Variants in SUPT20H observed in about 807,000 individuals in gnomAD.
The protein encoded by SUPT20H is transcription factor SPT20 homolog.
In SUPT20H, 82 loss-of-function variants were observed where a neutral mutation model predicts 122.8. The ratio of observed to expected loss-of-function variants is 0.67; its 90% CI spans 0.56 to 0.80. The LOEUF (loss-of-function observed/expected upper bound fraction) is 0.80. SUPT20H is among the 30% of genes least tolerant of loss of function. SUPT20H has a pLI of 0.00. For missense variants in SUPT20H, 831 were observed against 921.6 expected, an observed-to-expected ratio of 0.90 and a Z score of 1.27; for synonymous variants, 291 against 313.0, an observed-to-expected ratio of 0.93 and a Z score of 0.74.
intron 25 of SUPT20H, among the ~76,000 whole-genome samples, chr13:37,010,313 T>C (rs2138918186): frequency 6.6e-6 from 1 of 152,340 alleles, no homozygotes; most frequent in South Asian, 2.1e-4. Flanking sequence ...GAAAAATGTA[T>C]GTTAATGTGC....
chr13:37,037,141 G>A (rs2064599063), intron 9 of SUPT20H, among the ~76,000 whole-genome samples: 1 of 150,010 alleles, frequency 6.7e-6, no homozygotes, highest in South Asian at 2.1e-4. Context: ...AGATTGCAGT[G>A]AGCTGAGATT....
At chr13:37,044,331 A>G (rs1026182602) in intron 6 of SUPT20H, 150 bp from the exon 7 acceptor site, 11 of 524,268 alleles carry the variant, frequency 2.1e-5, no homozygotes, top group South Asian at 1.0e-4. Flanking sequence ...AAAAAACAAA[A>G]CCAAAAGGCC....
At chr13:37,048,179 A>C (rs1464977988) in intron 3 of SUPT20H, among the ~76,000 whole-genome samples, 1 of 152,142 alleles carries the variant, frequency 6.6e-6, no homozygotes, top group Non-Finnish European at 1.5e-5. Flanking sequence ...CACAACCATG[A>C]CTTCACAGGT....
intron 1 of SUPT20H, among the ~76,000 whole-genome samples, chr13:37,054,685 C>G (rs1199971): frequency 0.043 from 6,505 of 152,276 alleles, 457 homozygotes; most frequent in African/African-American, 0.15. Context: ...AAACTGGAAG[C>G]ATTCCCTTTG....
At chr13:37,009,913 C>G (rs2059293742) in intron 25 of SUPT20H, 104 bp from the exon 26 acceptor site, 1 of 1,475,364 alleles carries the variant, frequency 6.8e-7, no homozygotes. Flanking sequence ...AGGGAGAAAG[C>G]ACCAAGATAA....
Position 37,021,448 on chromosome 13 carries a change from C to A in SUPT20H, c.1816G>T (p.Gly606Cys). The change falls in exon 21 of 26, where the codon GGT (glycine) becomes TGT (cysteine). Residue 606 changes from glycine (G) to cysteine (C), a missense_variant and splice_region_variant. Gly to Cys is a radical substitution (Grantham distance 159, BLOSUM62 -3). Transcript: ENST00000350612. The part of the protein sequence containing the change: ...PSAMQAASQA[G>C]VPFGLKNTSS... ...AGGTTATTATTTCCAACATTCTGAC[C>A]TGCTTGAGAAGCTGCCTGCATTGCA... 1 of 1,599,396 alleles carries A rather than the reference C, an allele frequency of 6.3e-7. No individual in the cohort carries two copies. Among genetic ancestry groups the A allele is most frequent in the Admixed American group, 1.7e-5 (1 of 57,402 alleles).
intron 25 of SUPT20H, 107 bp downstream of exon 25, chr13:37,010,445 T>C (rs571516656): frequency 1.3e-5 from 13 of 970,334 alleles, no homozygotes; most frequent in Non-Finnish European, 1.7e-5. Flanking sequence ...TACCAATTAC[T>C]GTACAGTCTT....
At chr13:37,016,302 T>C (rs907290584) in intron 23 of SUPT20H, among the ~76,000 whole-genome samples, 1 of 151,942 alleles carries the variant, frequency 6.6e-6, no homozygotes, top group Non-Finnish European at 1.5e-5. Flanking sequence ...TGGTGGCACA[T>C]GTCTGTAGCG....
chr13:37,050,659 T>C (rs1045572910), intron 2 of SUPT20H, among the ~76,000 whole-genome samples: 1 of 152,208 alleles, frequency 6.6e-6, no homozygotes, highest in African/African-American at 2.4e-5. Flanking sequence ...TAGTGAGACA[T>C]GCATACATAC....
At chr13:37,040,821 T>C in intron 7 of SUPT20H, 129 bp from the exon 8 acceptor site, 1 of 648,340 alleles carries the variant, frequency 1.5e-6, no homozygotes, top group Non-Finnish European at 2.7e-6. Context: ...TACTCTTCAG[T>C]AGATTTCCTT....
intron 13 of SUPT20H, among the ~76,000 whole-genome samples, chr13:37,029,271 G>A (rs908105769): frequency 6.6e-6 from 1 of 152,190 alleles, no homozygotes; most frequent in Non-Finnish European, 1.5e-5. Flanking sequence ...GCTCATGCCT[G>A]TAATCCCAGT....
intron 1 of SUPT20H, among the ~76,000 whole-genome samples, chr13:37,055,252 A>G (rs1200136532): frequency 6.6e-6 from 1 of 152,114 alleles, no homozygotes; most frequent in Admixed American, 6.6e-5. Flanking sequence ...TTCTTCACAG[A>G]ATTGGAAAAA....
intron 1 of SUPT20H, among the ~76,000 whole-genome samples, chr13:37,058,227 T>A (rs2069666416): frequency 6.6e-6 from 1 of 152,122 alleles, no homozygotes; most frequent in South Asian, 2.1e-4. Flanking sequence ...ATCGCCCCAT[T>A]GCACTCCAGC....
intron 7 of SUPT20H, 44 bp from the exon 8 acceptor site, chr13:37,040,736 G>T: frequency 6.8e-7 from 1 of 1,475,826 alleles, no homozygotes; most frequent in Non-Finnish European, 9.5e-7. Flanking sequence ...TTTTCCAAAA[G>T]CCTAAATAAG....
intron 5 of SUPT20H, chr13:37,047,098 T>G (rs1032645069): frequency 6.6e-6 from 1 of 152,598 alleles, no homozygotes; most frequent in African/African-American, 2.4e-5. Flanking sequence ...ATGACCAAGC[T>G]CACTTTTTAT....
intron 1 of SUPT20H, among the ~76,000 whole-genome samples, chr13:37,052,840 AC>A (rs2068045621): frequency 6.7e-6 from 1 of 149,062 alleles, no homozygotes; most frequent in African/African-American, 2.6e-5. Flanking sequence ...GAAGAAAAAA[AC>A]AACCCCATCA....
intron 1 of SUPT20H, among the ~76,000 whole-genome samples, chr13:37,052,031 G>A (rs552976169): frequency 6.6e-6 from 1 of 152,112 alleles, no homozygotes; most frequent in African/African-American, 2.4e-5. Flanking sequence ...ATTAATAAGA[G>A]AGGACACAAA....
intron 23 of SUPT20H, among the ~76,000 whole-genome samples, chr13:37,014,867 A>C (rs942564719): frequency 6.6e-6 from 1 of 152,236 alleles, no homozygotes; most frequent in Non-Finnish European, 1.5e-5. Context: ...AAAACATGGA[A>C]AAATCAATTC....
intron 10 of SUPT20H, among the ~76,000 whole-genome samples, chr13:37,033,213 A>C (rs1215146351): frequency 1.3e-5 from 2 of 151,892 alleles, no homozygotes; most frequent in Non-Finnish European, 2.9e-5. Context: ...GAAAAAAAAA[A>C]ATCAGAGGCT....
Sources: allele counts gnomAD v4.1 joint callset (sites outside exome capture counted in the v4.1 genomes callset), GRCh38; gene constraint gnomAD v4.1.1; transcripts MANE v1.5; gene names NCBI Gene and HGNC (gene_info 2026-07-23, HGNC 2026-07-21).